PDK2: variants seen among roughly 807,000 people sequenced by gnomAD.
The protein encoded by PDK2 is pyruvate dehydrogenase kinase 2.
A neutral mutation model predicts 50.4 loss-of-function variants in PDK2; 34 were observed. That is an observed-to-expected ratio of 0.68 (90% CI 0.51 to 0.90). The LOEUF is 0.90. Ranked by LOEUF, PDK2 falls within the 40% of genes least tolerant of loss-of-function variation. The probability of loss-of-function intolerance (pLI) is 0.00; values close to 1 mark genes in which losing one functional copy is unlikely to be tolerated. For synonymous variants in PDK2, 232 were observed against 216.0 expected, an observed-to-expected ratio of 1.07 and a Z score of -0.65; for missense variants, 377 against 544.5, an observed-to-expected ratio of 0.69 and a Z score of 3.06.
chr17:50,100,683 C>T (rs1270244311), intron 2 of PDK2: 2 of 152,212 alleles, frequency 1.3e-5, no homozygotes, highest in African/African-American at 2.4e-5. Flanking sequence ...AGTGTCTACG[C>T]GTATTAACTC....
intron 2 of PDK2, chr17:50,097,768 G>A: frequency 1.8e-6 from 1 of 568,122 alleles, no homozygotes; most frequent in Non-Finnish European, 3.1e-6. Flanking sequence ...CCTAGTCTCT[G>A]TGTCTAGCCC....
chr17:50,097,355 C>T, intron 1 of PDK2, 68 bp from the exon 2 acceptor site: 2 of 1,547,144 alleles, frequency 1.3e-6, no homozygotes, highest in Non-Finnish European at 1.8e-6. Flanking sequence ...GTTTAGCTGA[C>T]CTGGCCGAGA....
intron 2 of PDK2, chr17:50,097,811 A>G: frequency 4.4e-6 from 2 of 450,830 alleles, no homozygotes; most frequent in Non-Finnish European, 4.0e-6. Flanking sequence ...CTGGAAACAC[A>G]GGATCCACCT....
rs374953825 is a variant in PDK2 at position 50,110,136 on chromosome 17, G to A, written c.*39G>A. Reference sequence around the variant, plus strand: ...TCTGCACCTGAGAGGACGGACTGCCGCCTCTGGGTCCCCCCACCGTGGTGC... The same window carrying A: ...TCTGCACCTGAGAGGACGGACTGCCACCTCTGGGTCCCCCCACCGTGGTGC... On this transcript the variant is annotated 3_prime_UTR_variant, in exon 11 of 11. Coordinates refer to ENST00000503176, the MANE Select transcript of PDK2 (RefSeq NM_002611.5). 13 of 1,543,388 alleles carry A rather than the reference G, an allele frequency of 8.4e-6. No individual in the cohort carries two copies. The highest frequency in any genetic ancestry group is 6.8e-5 in the African/African-American group (5 of 73,598).
chr17:50,098,310 T>C (rs1193581777), intron 2 of PDK2: 2 of 152,212 alleles, frequency 1.3e-5, no homozygotes, highest in African/African-American at 4.8e-5. Flanking sequence ...ATGATATAGT[T>C]GTGATTTCCC....
intron 2 of PDK2, chr17:50,098,347 T>G (rs1598207546): frequency 2.0e-5 from 3 of 152,146 alleles, no homozygotes; most frequent in African/African-American, 7.2e-5. Context: ...CGTGCCCACA[T>G]GTATTCTGAG....
intron 2 of PDK2, chr17:50,097,818 A>G (rs1333442970): frequency 1.2e-5 from 5 of 415,452 alleles, no homozygotes; most frequent in Non-Finnish European, 1.8e-5. Flanking sequence ...CACAGGATCC[A>G]CCTAGGAAAG....
At position 50,095,541 on chromosome 17, in the gene PDK2, T is replaced by C. The variant is rs1424193668; in HGVS notation, c.106T>C (p.Phe36Leu). The C allele has an allele frequency of 3.1e-6, 5 of 1,605,078 alleles. No individual in the cohort carries two copies. Among genetic ancestry groups the C allele is most frequent in the Non-Finnish European group, 4.3e-6 (5 of 1,175,788 alleles). The part of the protein sequence containing the change: ...FSPSPLSMKQ[F>L]LDFGSSNACE... ...CCCGTCCCCGCTGTCCATGAAGCAGTTTCTGGACTTCGGTACGGAGTGGGC... is the reference window on the plus strand; with the variant it reads ...CCCGTCCCCGCTGTCCATGAAGCAGCTTCTGGACTTCGGTACGGAGTGGGC... The change falls in exon 1 of 11, where the codon TTT becomes CTT. Residue 36 changes from phenylalanine (F) to leucine (L), a missense_variant. By Grantham distance (22) the Phe-to-Leu change is conservative (BLOSUM62 0). This residue lies in a region of PDK2 where 100 missense variants were observed against 115.5 expected (regional missense o/e 0.87). Coordinates refer to ENST00000503176, the MANE Select transcript of PDK2 (RefSeq NM_002611.5).
chr17:50,107,080 C>T lies in PDK2; in HGVS notation c.612C>T (p.Ala204=), dbSNP rs1910556459. The change falls in exon 6 of 11, where the codon GCC becomes GCT. Residue 204 remains alanine (A), a synonymous_variant. Transcript: ENST00000503176. The part of the protein sequence containing the change: ...NCNVSEVVKD[A]YDMAKLLCDK... Reference sequence around the variant, plus strand: ...AATGACCCCATCTTCTCTCAGATGCCTACGACATGGCTAAGCTCCTGTGTG... The same window carrying T: ...AATGACCCCATCTTCTCTCAGATGCTTACGACATGGCTAAGCTCCTGTGTG... 6.2e-7 allele frequency: 1 copy of T among 1,614,046 alleles called. No homozygotes were observed. Among genetic ancestry groups the T allele is most frequent in the Non-Finnish European group, 8.5e-7 (1 of 1,179,958 alleles).
At chr17:50,108,860 C>T in intron 9 of PDK2, 141 bp downstream of exon 9, 1 of 625,730 alleles carries the variant, frequency 1.6e-6, no homozygotes, top group Non-Finnish European at 2.9e-6. Flanking sequence ...CCCGCACCTC[C>T]CACATCTCCC....
chr17:50,095,151 C>T (rs1598205207), upstream of PDK2: 5 of 368,276 alleles, frequency 1.4e-5, no homozygotes, highest in South Asian at 4.6e-5. Context: ...GGTGGGAACT[C>T]GGCGCGGCCT....
At chr17:50,095,856 G>A (rs1348277310) in intron 1 of PDK2, 1 of 1,034,026 alleles carries the variant, frequency 9.7e-7, no homozygotes, top group Non-Finnish European at 1.2e-6. Flanking sequence ...AGGGAGTAGG[G>A]TGGTATCCAG....
chr17:50,096,831 G>A (rs879885039), intron 1 of PDK2, among the ~76,000 whole-genome samples: 6 of 152,204 alleles, frequency 3.9e-5, no homozygotes, highest in African/African-American at 1.2e-4. Flanking sequence ...GGCCATATTC[G>A]GTCCCCCACC....
rs977308603 is a variant in PDK2, at chr17:50,109,527, C to T, written c.1083+127C>T. The T allele has an allele frequency of 5.1e-6, 3 of 587,044 alleles. No individual in the cohort carries two copies. In the African/African-American group the frequency reaches 5.7e-5, roughly 11 times the overall value. The allele number at this position is 587,044 out of a possible 1,614,324, so 36.4% of individuals were successfully genotyped here. ...TTCCCTGGCCCCAGACTCTGAGAAT[C>T]CAAGCAAAGCTACAGTTCCTCAACC... On this transcript the variant is annotated intron_variant, in intron 10 of 10. Transcript: ENST00000503176. The surrounding 1 kb of genome is among the most constrained non-coding windows in gnomAD (Gnocchi z 5.0).
intron 6 of PDK2, 115 bp downstream of exon 6, chr17:50,107,268 T>C: frequency 1.4e-6 from 1 of 740,726 alleles, no homozygotes; most frequent in East Asian, 2.7e-5. Context: ...AGCAGAGTTA[T>C]TATATTATTA....
chr17:50,097,296 G>A, intron 1 of PDK2, 127 bp from the exon 2 acceptor site: 2 of 888,886 alleles, frequency 2.3e-6, no homozygotes, highest in South Asian at 1.6e-5. Flanking sequence ...GAGCCTTGCT[G>A]TGTGCCCCGG....
At chr17:50,105,751 G>T in intron 3 of PDK2, 134 bp from the exon 4 acceptor site, 1 of 1,245,534 alleles carries the variant, frequency 8.0e-7, no homozygotes, top group Non-Finnish European at 1.1e-6. Flanking sequence ...AGTGGGCTTT[G>T]GGAGGAGCAG....
At chr17:50,106,206 A>T (rs560287716) in intron 4 of PDK2, 137 bp downstream of exon 4, 3 of 1,463,544 alleles carry the variant, frequency 2.0e-6, no homozygotes, top group Non-Finnish European at 2.7e-6. Context: ...TCCAGTAACT[A>T]TGGAGTTAAT....
In PDK2 at chr17:50,109,195, C is replaced by T. The variant is rs1910687751; in HGVS notation, c.970-92C>T. The T allele has an allele frequency of 1.3e-6, 1 of 740,878 alleles. No homozygotes were observed. 45.9% of individuals were successfully genotyped at this position (740,878 alleles called of 1,614,324 possible). A position where few individuals can be genotyped will look rare whatever the true frequency, so the allele number is the denominator to read the frequency against. On this transcript the variant is annotated intron_variant, in intron 9 of 10. Coordinates refer to ENST00000503176, the MANE Select transcript of PDK2 (RefSeq NM_002611.5). This position sits in a 1 kb window ranked among gnomAD's most constrained non-coding sequence, Gnocchi z 5.0. Reference sequence around the variant, plus strand: ...TGGGACCCCTGCCATGTGACCCCAGCTCCACACCCTTCCCTCCCTGCATCA... The same window carrying T: ...TGGGACCCCTGCCATGTGACCCCAGTTCCACACCCTTCCCTCCCTGCATCA...
Sources: gnomAD v4.1 joint callset for allele counts (sites outside exome capture counted in the v4.1 genomes callset) on GRCh38, gnomAD v4.1.1 for gene constraint, gnomAD v4.1.1 regional missense constraint, Gnocchi (gnomAD v3.1) non-coding constraint, MANE v1.5 for transcripts, NCBI Gene and HGNC (gene_info 2026-07-23, HGNC 2026-07-21) for gene names.